The following NOTCH1 variants were observed in gnomAD, a reference collection of about 807,000 sequenced individuals.
NOTCH1 encodes notch receptor 1, also known as neurogenic locus notch homolog protein 1.
A neutral mutation model predicts 254.8 loss-of-function variants in NOTCH1; 37 were observed. The observed-to-expected ratio is 0.15, with a 90% CI of 0.11 to 0.19. The LOEUF is 0.19. Among genes scored for constraint, NOTCH1 ranks in the 10% least tolerant of loss-of-function variants. The probability of loss-of-function intolerance (pLI) is 1.00; values close to 1 mark genes in which losing one functional copy is unlikely to be tolerated. For synonymous variants in NOTCH1, 1,731 were observed against 1,618.1 expected (o/e 1.07, Z -1.68); for missense variants, 2,972 against 3,708.6 (o/e 0.80, Z 5.16).
At chr9:136,515,054 G>A (rs1030957021) in intron 12 of NOTCH1, among the ~76,000 whole-genome samples, 1 of 152,200 alleles carries the variant, frequency 6.6e-6, no homozygotes, top group Non-Finnish European at 1.5e-5. Context: ...TGGCCTGCTG[G>A]GCCACTCTGC....
rs1254244122 is a variant in NOTCH1 at position 136,495,784 on chromosome 9, T to A, written c.*287A>T. The A allele has an allele frequency of 2.4e-6, 1 of 421,702 alleles. No individual in the cohort carries two copies. Among genetic ancestry groups the A allele is most frequent in the Admixed American group, 3.9e-5 (1 of 25,820 alleles). 26.1% of individuals were successfully genotyped at this position (421,702 alleles called of 1,614,324 possible). On this transcript the variant is annotated 3_prime_UTR_variant, in exon 34 of 34. Coordinates refer to ENST00000651671, the MANE Select transcript of NOTCH1 (RefSeq NM_017617.5). ...TTATAAACACAGAAGAATCTTTTCA[T>A]CCTACGTAGGAAAACCCTGGCTCTC...
At chr9:136,539,825 G>A (rs1299788308) in intron 2 of NOTCH1, among the ~76,000 whole-genome samples, 2 of 152,160 alleles carry the variant, frequency 1.3e-5, no homozygotes, top group East Asian at 1.9e-4. Context: ...GAGCCAGACC[G>A]GGTGACAGGA....
intron 2 of NOTCH1, among the ~76,000 whole-genome samples, chr9:136,527,025 C>T (rs1258908588): frequency 1.3e-5 from 2 of 152,214 alleles, no homozygotes; most frequent in Non-Finnish European, 1.5e-5. Context: ...TTGGAGGTTC[C>T]GTGAGACGCG....
intron 4 of NOTCH1, 140 bp downstream of exon 4, chr9:136,522,709 TG>T (rs551028359): frequency 3.8e-6 from 3 of 795,338 alleles, no homozygotes; most frequent in South Asian, 3.7e-5. Flanking sequence ...ACACGCAGTC[TG>T]GGGAACTCGC....
In NOTCH1 at chr9:136,505,766, G is replaced by A. The variant is rs1843073620; in HGVS notation, c.4130C>T (p.Pro1377Leu). 3.2e-6 allele frequency: 5 copies of A among 1,585,334 alleles called. No homozygotes were observed. Among genetic ancestry groups the A allele is most frequent in the Non-Finnish European group, 4.3e-6 (5 of 1,165,088 alleles). The stretch of plus-strand genomic sequence containing the variant: ...GAACTGGCATTCGGGGCCCGTGAAG[G>A]GGCCCAGGCACAGGCAGGTGGGGCT... ...PRSPTCLCLG[P>L]FTGPECQFPA... The change falls in exon 25 of 34, where the codon CCC becomes CTC. Residue 1377 changes from proline to leucine, a missense_variant. By Grantham distance (98) the Pro-to-Leu change is moderately conservative. Coordinates refer to ENST00000651671, the MANE Select transcript of NOTCH1 (RefSeq NM_017617.5).
chr9:136,513,518 G>T lies in NOTCH1; in HGVS notation c.2227C>A (p.Pro743Thr), dbSNP rs1192823861. Reference protein sequence around the residue: ...SLNGYKCDCDPGWSGTNCDIN... With the variant: ...SLNGYKCDCDTGWSGTNCDIN... ...TCACAGTTGGTCCCACTCCACCCAGGGTCACAGTCGCACTTGTACCTGCAA... is the reference window on the plus strand; with the variant it reads ...TCACAGTTGGTCCCACTCCACCCAGTGTCACAGTCGCACTTGTACCTGCAA... Residue 743 changes from proline to threonine, a missense_variant, in exon 14 of 34, where the codon CCT (proline) becomes ACT (threonine). This residue lies in a region of NOTCH1 where 1,343 missense variants were observed against 1,557.0 expected (regional missense o/e 0.86). Coordinates refer to ENST00000651671, the MANE Select transcript of NOTCH1 (RefSeq NM_017617.5). The surrounding 1 kb of genome is among the most constrained non-coding windows in gnomAD (Gnocchi z 4.7). The T allele has an allele frequency of 4.3e-6, 7 of 1,613,090 alleles. No individual in the cohort carries two copies. The highest frequency in any genetic ancestry group is 5.9e-6 in the Non-Finnish European group (7 of 1,179,988).
At position 136,494,851 on chromosome 9, in the gene NOTCH1, T is replaced by G. The variant is rs952956942; in HGVS notation, c.*1220A>C. 7 of 398,552 alleles carry G rather than the reference T, an allele frequency of 1.8e-5. No homozygotes were observed. The Admixed American group carries it at 1.8e-4, about 10-fold the overall frequency. The allele number at this position is 398,552 out of a possible 1,614,324, so 24.7% of individuals were successfully genotyped here. A position where few individuals can be genotyped will look rare whatever the true frequency, so the allele number is the denominator to read the frequency against. On this transcript the variant is annotated 3_prime_UTR_variant, in exon 34 of 34. Coordinates refer to ENST00000651671, the MANE Select transcript of NOTCH1 (RefSeq NM_017617.5). The stretch of plus-strand genomic sequence containing the variant: ...TTTTTCTGCCATAGGCTATACTTGG[T>G]ATTGCAAAAATCTGCTCCTCCCAAA...
In NOTCH1 at chr9:136,515,973, G is replaced by C. The variant is rs1333021755; in HGVS notation, c.1669+8C>G. 2 of 1,604,854 alleles carry C rather than the reference G, an allele frequency of 1.2e-6. No individual in the cohort carries two copies. Among genetic ancestry groups the C allele is most frequent in the Non-Finnish European group, 1.7e-6 (2 of 1,175,854 alleles). On this transcript the variant is annotated splice_region_variant and intron_variant, in intron 10 of 33. Coordinates refer to ENST00000651671, the MANE Select transcript of NOTCH1 (RefSeq NM_017617.5). ...AGTCCCTCCCCGCTGGTGGGCGCCA[G>C]CCCGCACCTTCCGTGCACACACAGG...
chr9:136,500,263 T>C (rs573925693), intron 31 of NOTCH1, among the ~76,000 whole-genome samples: 2 of 152,284 alleles, frequency 1.3e-5, no homozygotes, highest in East Asian at 3.9e-4. Flanking sequence ...CCCACAACCC[T>C]GATGGAGCCT....
intron 2 of NOTCH1, among the ~76,000 whole-genome samples, chr9:136,538,079 C>CA (rs1397539233): frequency 6.6e-6 from 1 of 152,136 alleles, no homozygotes; most frequent in Non-Finnish European, 1.5e-5. Flanking sequence ...GACTCCATCT[C>CA]AAAAAACAAA....
At chr9:136,538,037 G>A (rs555649319) in intron 2 of NOTCH1, among the ~76,000 whole-genome samples, 2 of 152,272 alleles carry the variant, frequency 1.3e-5, no homozygotes, top group East Asian at 1.9e-4. Flanking sequence ...CCAAGACTGC[G>A]TCACTCTAAT....
chr9:136,543,656 G>C (rs976236837), intron 2 of NOTCH1: 3 of 413,710 alleles, frequency 7.3e-6, no homozygotes, highest in African/African-American at 6.1e-5. Flanking sequence ...GGCGCCCCAA[G>C]TTGGCAGGGT....
At position 136,494,971 on chromosome 9, in the gene NOTCH1, C is replaced by T. The variant is rs771829142; in HGVS notation, c.*1100G>A. On this transcript the variant is annotated 3_prime_UTR_variant, in exon 34 of 34. Coordinates refer to ENST00000651671, the MANE Select transcript of NOTCH1 (RefSeq NM_017617.5). ...GGGCTGCGGGGACAGGACCAAAGGA[C>T]GCAGCCCACGGCGTTGCACAGCTCA... 112 of 398,736 alleles carry T rather than the reference C, an allele frequency of 2.8e-4. No individual in the cohort carries two copies. The highest frequency in any genetic ancestry group is 1.2e-3 in the Middle Eastern group (2 of 1,612). The allele number at this position is 398,736 out of a possible 1,614,324, so 24.7% of individuals were successfully genotyped here.
intron 21 of NOTCH1, among the ~76,000 whole-genome samples, 182 bp downstream of exon 21, chr9:136,507,773 C>T (rs1254038434): frequency 6.6e-6 from 1 of 152,210 alleles, no homozygotes; most frequent in African/African-American, 2.4e-5. Context: ...CTCCTTCAGG[C>T]TTTCCACAGG....
rs1843724219 is a variant in NOTCH1 at position 136,540,920 on chromosome 9, G to A, written c.140+3104C>T. On this transcript the variant is annotated intron_variant, in intron 2 of 33. Coordinates refer to ENST00000651671, the MANE Select transcript of NOTCH1 (RefSeq NM_017617.5). The surrounding 1 kb of genome is among the most constrained non-coding windows in gnomAD (Gnocchi z 4.4). ...GCCCTGGGAGAGCGTTTCAGACCAA[G>A]GACGTAGTCTCACCCAGACAGATAG... Among the ~76,000 whole-genome samples the A allele has an allele frequency of 6.6e-6, 1 of 152,148 alleles. No individual in the cohort carries two copies. Among genetic ancestry groups the A allele is most frequent in the African/African-American group, 2.4e-5 (1 of 41,414 alleles).
intron 4 of NOTCH1, among the ~76,000 whole-genome samples, chr9:136,521,045 GC>G (rs1179134725): frequency 1.3e-5 from 2 of 152,184 alleles, no homozygotes; most frequent in African/African-American, 4.8e-5. Context: ...GCTCAGGGCC[GC>G]CCCCATCTCG....
chr9:136,525,126 C>T (rs893450368), intron 2 of NOTCH1, among the ~76,000 whole-genome samples: 5 of 152,350 alleles, frequency 3.3e-5, no homozygotes, highest in Admixed American at 2.6e-4. Flanking sequence ...GAAGCACCCA[C>T]ATTACAGCCG....
At chr9:136,526,854 C>G (rs921359260) in intron 2 of NOTCH1, among the ~76,000 whole-genome samples, 11 of 152,306 alleles carry the variant, frequency 7.2e-5, no homozygotes, top group Non-Finnish European at 1.3e-4. Flanking sequence ...TCAGACGTGG[C>G]GGCAGCTGCT....
chr9:136,528,425 A>G (rs1410084626), intron 2 of NOTCH1, among the ~76,000 whole-genome samples: 8 of 15,134 alleles, frequency 5.3e-4, no homozygotes, highest in East Asian at 1.7e-3. Context: ...TGCGGGGGGG[A>G]TGGGCAGGGA....
Sources: gnomAD v4.1 joint callset for allele counts (sites outside exome capture counted in the v4.1 genomes callset) on GRCh38, gnomAD v4.1.1 for gene constraint, gnomAD v4.1.1 regional missense constraint, Gnocchi (gnomAD v3.1) non-coding constraint, MANE v1.5 for transcripts, NCBI Gene and HGNC (gene_info 2026-07-23, HGNC 2026-07-21) for gene names.